SDK1: variants seen among roughly 807,000 people sequenced by gnomAD.
The protein encoded by SDK1 is protein sidekick-1.
In SDK1, 157 loss-of-function variants were observed where a neutral mutation model predicts 245.5. The observed-to-expected ratio is 0.64, with a 90% CI of 0.56 to 0.73. The LOEUF is 0.73. Among genes scored for constraint, SDK1 ranks in the 30% least tolerant of loss-of-function variants. SDK1 has a pLI of 0.00. For missense variants in SDK1, 3,583 were observed against 3,002.3 expected, an observed-to-expected ratio of 1.19 and a Z score of -4.52; for synonymous variants, 1,647 against 1,278.5, an observed-to-expected ratio of 1.29 and a Z score of -6.15.
chr7:3,562,926 G>A (rs1244698587), intron 1 of SDK1, among the ~76,000 whole-genome samples: 1 of 152,268 alleles, frequency 6.6e-6, no homozygotes, highest in Non-Finnish European at 1.5e-5. Context: ...GATAGGGGAG[G>A]TAAGGGGGAT....
In SDK1 at chr7:4,149,451, G is replaced by GCGT; in HGVS notation, c.4617_4619dup (p.Val1540dup). On this transcript the variant is annotated inframe_insertion, in exon 30 of 45. Coordinates refer to ENST00000404826, the MANE Select transcript of SDK1 (RefSeq NM_152744.4). The stretch of plus-strand genomic sequence containing the variant: ...TCCATCAGCCATGAGGCGACAGCAT[G>GCGT]CGTCGTTGACAGGTACTGAGAGAGC... 6.6e-7 allele frequency: 1 copy of GCGT among 1,524,682 alleles called. No individual in the cohort carries two copies. The highest frequency in any genetic ancestry group is 1.3e-5 in the South Asian group (1 of 77,078). 94.4% of individuals were successfully genotyped at this position (1,524,682 alleles called of 1,614,324 possible). A position where few individuals can be genotyped will look rare whatever the true frequency, so the allele number is the denominator to read the frequency against.
At chr7:4,259,090 C>T (rs543942407) in intron 44 of SDK1, among the ~76,000 whole-genome samples, 2 of 152,230 alleles carry the variant, frequency 1.3e-5, no homozygotes, top group South Asian at 2.1e-4. Context: ...TTTTAGTTTA[C>T]GCAGAGCTTA....
Position 4,220,107 on chromosome 7 carries a change from A to C in SDK1, c.5540-2A>C, listed in dbSNP as rs1584474803. On this transcript the variant is annotated splice_acceptor_variant, in intron 38 of 44. Coordinates refer to ENST00000404826, the MANE Select transcript of SDK1 (RefSeq NM_152744.4). LOFTEE classifies it high-confidence loss of function. ...TGTTTCCTTTGCTTCTGGCGGCTGC[A>C]GGGGTGAGCAAGGTGGTGACCGTGG... 1.2e-6 allele frequency: 2 copies of C among 1,613,014 alleles called. No individual in the cohort carries two copies. Among genetic ancestry groups the C allele is most frequent in the Non-Finnish European group, 1.7e-6 (2 of 1,179,214 alleles).
intron 4 of SDK1, among the ~76,000 whole-genome samples, chr7:3,687,820 A>G (rs1583308319): frequency 6.6e-6 from 1 of 152,270 alleles, no homozygotes; most frequent in East Asian, 1.9e-4. Flanking sequence ...TTAATGTCGT[A>G]TCCTGCTCAC....
intron 4 of SDK1, among the ~76,000 whole-genome samples, chr7:3,647,500 C>A (rs7793775): frequency 0.23 from 34,812 of 152,078 alleles, 4,181 homozygotes; most frequent in South Asian, 0.34. Context: ...GATCTCAGCT[C>A]ACTGCAACCT....
chr7:3,597,295 G>A (rs2128637503), intron 1 of SDK1, among the ~76,000 whole-genome samples: 2 of 149,030 alleles, frequency 1.3e-5, no homozygotes, highest in Middle Eastern at 3.5e-3. Context: ...AAAAAAAAGA[G>A]GATGTTACAG....
rs71552309 is a variant in SDK1 at position 3,485,683 on chromosome 7, G to GTTTTTTTTTTTTTTTTTTTTTTTTTTTTT, written c.299-133375_299-133374insTTTTTTTTTTTTTTTTTTTTTTTTTTTTT. On this transcript the variant is annotated intron_variant, in intron 1 of 44. Transcript: ENST00000404826. Reference sequence around the variant, plus strand: ...GTGCTGAGGGGATGATCTTTGGAGGGTTTTTTTTTTTTTTTTTTTTTTGAG... The same window carrying GTTTTTTTTTTTTTTTTTTTTTTTTTTTTT: ...GTGCTGAGGGGATGATCTTTGGAGGGTTTTTTTTTTTTTTTTTTTTTTTTTTTTTTTTTTTTTTTTTTTTTTTTTTTGAG... 2.6e-4 allele frequency among the ~76,000 whole-genome samples: 10 copies of GTTTTTTTTTTTTTTTTTTTTTTTTTTTTT among 38,174 alleles called. 3 individuals carry two copies. Among genetic ancestry groups the GTTTTTTTTTTTTTTTTTTTTTTTTTTTTT allele is most frequent in the Admixed American group, 9.2e-4 (2 of 2,176 alleles). 25.0% of individuals were successfully genotyped at this position (38,174 alleles called of 152,430 possible).
At chr7:3,457,213 T>G (rs1258953878) in intron 1 of SDK1, among the ~76,000 whole-genome samples, 2 of 152,182 alleles carry the variant, frequency 1.3e-5, no homozygotes, top group African/African-American at 4.8e-5. Context: ...TTTGGTTGTT[T>G]GTAGGTCAGG....
intron 1 of SDK1, among the ~76,000 whole-genome samples, chr7:3,538,874 C>T (rs776582639): frequency 7.2e-5 from 11 of 152,214 alleles, no homozygotes; most frequent in Non-Finnish European, 5.9e-5. Context: ...CACACTTATG[C>T]TGTCGGCATG....
At chr7:3,330,657 A>G (rs905616941) in intron 1 of SDK1, among the ~76,000 whole-genome samples, 6 of 152,092 alleles carry the variant, frequency 3.9e-5, no homozygotes, top group South Asian at 2.1e-4. Flanking sequence ...ACCATGAGCT[A>G]TGTCAACTTT....
chr7:3,539,488 G>T (rs1477270303), intron 1 of SDK1, among the ~76,000 whole-genome samples: 2 of 152,168 alleles, frequency 1.3e-5, no homozygotes, highest in African/African-American at 2.4e-5. Context: ...TTTTAGGCTA[G>T]AACAGCTGAG....
intron 4 of SDK1, among the ~76,000 whole-genome samples, chr7:3,680,079 C>T (rs1472299246): frequency 1.3e-5 from 2 of 152,242 alleles, no homozygotes; most frequent in African/African-American, 4.8e-5. Flanking sequence ...GTGGTGCATC[C>T]GCAGCATGGA....
intron 19 of SDK1, among the ~76,000 whole-genome samples, chr7:4,056,110 A>G (rs549008370): frequency 6.6e-6 from 1 of 151,000 alleles, no homozygotes; most frequent in Non-Finnish European, 1.5e-5. Flanking sequence ...TCTCCTTTTC[A>G]ATTGTAAATT....
intron 1 of SDK1, among the ~76,000 whole-genome samples, chr7:3,542,595 A>C (rs200358022): frequency 6.6e-6 from 1 of 152,228 alleles, no homozygotes; most frequent in Non-Finnish European, 1.5e-5. Context: ...AATAGCATTG[A>C]TCTTTTAATC....
At chr7:4,136,445 G>A (rs111841638) in intron 28 of SDK1, among the ~76,000 whole-genome samples, 12 of 152,160 alleles carry the variant, frequency 7.9e-5, no homozygotes, top group Non-Finnish European at 1.6e-4. Flanking sequence ...CACCTCTGCC[G>A]CCCGAGCTTT....
intron 1 of SDK1, chr7:3,338,265 TG>T (rs1583703514): frequency 4.7e-6 from 2 of 423,622 alleles, no homozygotes; most frequent in Non-Finnish European, 8.7e-6. Flanking sequence ...GAATGGGTAC[TG>T]TTCAGAAAGG....
chr7:3,835,729 GAGGAT>G (rs1481709840), intron 5 of SDK1, among the ~76,000 whole-genome samples: 2 of 152,198 alleles, frequency 1.3e-5, no homozygotes, highest in Non-Finnish European at 2.9e-5. Flanking sequence ...TATAGGCATT[GAGGAT>G]ATCATGATTG....
intron 1 of SDK1, among the ~76,000 whole-genome samples, chr7:3,410,108 AC>A (rs1779160151): frequency 6.6e-6 from 1 of 152,200 alleles, no homozygotes. Flanking sequence ...AATAAGTAAT[AC>A]TTAAGTGTTA....
chr7:3,524,977 A>C (rs1191051016), intron 1 of SDK1, among the ~76,000 whole-genome samples: 2 of 152,216 alleles, frequency 1.3e-5, no homozygotes, highest in African/African-American at 2.4e-5. Flanking sequence ...GCACAGATTC[A>C]ACCAATTGTG....
Sources: gnomAD v4.1 joint callset for allele counts (sites outside exome capture counted in the v4.1 genomes callset) on GRCh38, gnomAD v4.1.1 for gene constraint, MANE v1.5 for transcripts, NCBI Gene and HGNC (gene_info 2026-07-23, HGNC 2026-07-21) for gene names.